SPAG16: variants seen among roughly 807,000 people sequenced by gnomAD.
SPAG16 encodes the protein sperm associated antigen 16.
SPAG16 carries 86 observed loss-of-function variants against 80.4 expected under a neutral mutation model. The observed-to-expected ratio is 1.07, with a 90% CI of 0.90 to 1.28. The LOEUF (loss-of-function observed/expected upper bound fraction) is 1.28. SPAG16 is among the 50% of genes most tolerant of loss of function. SPAG16 has a pLI of 0.00. For missense variants in SPAG16, 870 were observed against 765.3 expected, an observed-to-expected ratio of 1.14 and a Z score of -1.61; for synonymous variants, 294 against 265.9, an observed-to-expected ratio of 1.11 and a Z score of -1.03.
At chr2:214,015,114 T>G (rs1315514603) in intron 13 of SPAG16, among the ~76,000 whole-genome samples, 1 of 152,116 alleles carries the variant, frequency 6.6e-6, no homozygotes, top group Non-Finnish European at 1.5e-5. Flanking sequence ...AAATGGCAGT[T>G]TTAGCATGAT....
intron 10 of SPAG16, among the ~76,000 whole-genome samples, chr2:213,835,974 G>A (rs2074049126): frequency 6.6e-6 from 1 of 152,064 alleles, no homozygotes; most frequent in South Asian, 2.1e-4. Context: ...TAAATTCTTT[G>A]AAAGTAACTG....
intron 11 of SPAG16, among the ~76,000 whole-genome samples, chr2:213,918,095 G>A (rs78180986): frequency 0.01 from 1,584 of 152,158 alleles, 35 homozygotes; most frequent in African/African-American, 0.035. Flanking sequence ...ATGTTCAACC[G>A]AGCTTACATC....
chr2:213,666,323 T>C (rs540941627), intron 10 of SPAG16, among the ~76,000 whole-genome samples: 1 of 152,288 alleles, frequency 6.6e-6, no homozygotes, highest in Non-Finnish European at 1.5e-5. Context: ...TTAGAATTAA[T>C]ACAATACTAT....
intron 10 of SPAG16, among the ~76,000 whole-genome samples, chr2:213,850,101 T>C (rs112962568): frequency 0.019 from 2,895 of 152,334 alleles, 56 homozygotes; most frequent in Non-Finnish European, 0.031. Flanking sequence ...CCTCATTTCA[T>C]TTACCTAAAT....
At chr2:213,640,046 T>C (rs998528467) in intron 10 of SPAG16, among the ~76,000 whole-genome samples, 2 of 152,118 alleles carry the variant, frequency 1.3e-5, no homozygotes, top group African/African-American at 4.8e-5. Context: ...TTTTCCAGGG[T>C]ATTTTGTATT....
chr2:213,725,238 G>T (rs1176706747), intron 10 of SPAG16, among the ~76,000 whole-genome samples: 2 of 152,020 alleles, frequency 1.3e-5, no homozygotes, highest in Non-Finnish European at 2.9e-5. Flanking sequence ...TGCCCAGGCT[G>T]GTCTGGAACT....
chr2:214,135,892 C>T (rs1349342143), intron 14 of SPAG16, among the ~76,000 whole-genome samples: 2 of 152,242 alleles, frequency 1.3e-5, no homozygotes, highest in African/African-American at 2.4e-5. Context: ...GCAGGAATAT[C>T]GGAGGCTGGG....
intron 15 of SPAG16, among the ~76,000 whole-genome samples, chr2:214,251,518 C>T (rs181113401): frequency 4.5e-4 from 68 of 151,962 alleles, no homozygotes; most frequent in Non-Finnish European, 7.8e-4. Flanking sequence ...TATGACAAGT[C>T]TTATGTGGTT....
chr2:213,581,221 C>T (rs1227403670), intron 10 of SPAG16, among the ~76,000 whole-genome samples: 1 of 151,848 alleles, frequency 6.6e-6, no homozygotes, highest in Non-Finnish European at 1.5e-5. Context: ...ACCTTTTATA[C>T]TCTATTTCTT....
intron 9 of SPAG16, among the ~76,000 whole-genome samples, chr2:213,435,575 AT>A (rs2070581279): frequency 6.6e-6 from 1 of 152,224 alleles, no homozygotes; most frequent in South Asian, 2.1e-4. Context: ...TTAGAAAAAA[AT>A]GTAAGAAGTT....
chr2:213,410,017 A>T (rs2068869227), intron 9 of SPAG16, among the ~76,000 whole-genome samples: 1 of 151,946 alleles, frequency 6.6e-6, no homozygotes, highest in Non-Finnish European at 1.5e-5. Flanking sequence ...AAGAAAGAAA[A>T]CTTTAGCGAT....
At chr2:213,924,716 C>T (rs139181218) in intron 11 of SPAG16, among the ~76,000 whole-genome samples, 69 of 152,198 alleles carry the variant, frequency 4.5e-4, no homozygotes, top group East Asian at 1.3e-3. Context: ...TAGTGTGCCT[C>T]GTGTAAAAAT....
At chr2:214,238,512 G>A (rs1689230822) in intron 15 of SPAG16, 1 of 152,888 alleles carries the variant, frequency 6.5e-6, no homozygotes, top group Admixed American at 6.5e-5. Context: ...CAATAGTAGT[G>A]CCAAGTTCAT....
chr2:213,706,765 A>C (rs905787664), intron 10 of SPAG16, among the ~76,000 whole-genome samples: 2 of 152,114 alleles, frequency 1.3e-5, no homozygotes, highest in African/African-American at 2.4e-5. Context: ...TGGGTCCACA[A>C]CTCCAGAGTG....
rs934921007 is a variant in SPAG16 at position 214,410,170 on chromosome 2, G to C, written c.1751G>C (p.Gly584Ala). 6.2e-7 allele frequency: 1 copy of C among 1,613,644 alleles called. No homozygotes were observed. The highest frequency in any genetic ancestry group is 8.5e-7 in the Non-Finnish European group (1 of 1,179,748). ...GRVLAQASGN[G>A]VIHLLDLKSG... ...GTTTTAGCTCAGGCAAGTGGCAATG[G>C]TGTTATCCATTTGCTAGATCTTAAA... The change falls in exon 16 of 16, where the codon GGT becomes GCT. Residue 584 changes from glycine (G) to alanine (A), a missense_variant. Gly to Ala is a moderately conservative substitution (Grantham distance 60, BLOSUM62 0). Transcript: ENST00000331683.
At chr2:213,985,227 T>G (rs1262015889) in intron 12 of SPAG16, among the ~76,000 whole-genome samples, 1 of 152,112 alleles carries the variant, frequency 6.6e-6, no homozygotes, top group African/African-American at 2.4e-5. Context: ...ATTTTTGGTG[T>G]TGTTTCATTT....
chr2:213,326,529 G>A (rs1436935097), intron 5 of SPAG16, among the ~76,000 whole-genome samples: 1 of 151,890 alleles, frequency 6.6e-6, no homozygotes, highest in Non-Finnish European at 1.5e-5. Flanking sequence ...TATAATGAAA[G>A]TTTTTCTCTA....
intron 12 of SPAG16, among the ~76,000 whole-genome samples, chr2:213,953,217 T>G (rs1487448747): frequency 6.6e-6 from 1 of 151,972 alleles, no homozygotes; most frequent in Non-Finnish European, 1.5e-5. Context: ...TACTTAATAC[T>G]TCAAATGGGA....
chr2:213,507,269 A>G (rs1173776308), intron 10 of SPAG16, among the ~76,000 whole-genome samples: 1 of 152,248 alleles, frequency 6.6e-6, no homozygotes, highest in East Asian at 1.9e-4. Flanking sequence ...TCAAGTTTCC[A>G]TCACTGGTGT....
Sources: allele counts gnomAD v4.1 joint callset (sites outside exome capture counted in the v4.1 genomes callset), GRCh38; gene constraint gnomAD v4.1.1; transcripts MANE v1.5; gene names NCBI Gene and HGNC (gene_info 2026-07-23, HGNC 2026-07-21).